The following TERF2 variants were observed in gnomAD, a reference collection of about 807,000 sequenced individuals.
TERF2 encodes telomeric repeat-binding factor 2.
TERF2 carries 16 observed loss-of-function variants against 56.1 expected under a neutral mutation model. The ratio of observed to expected loss-of-function variants is 0.29; its 90% CI spans 0.19 to 0.43. The LOEUF (loss-of-function observed/expected upper bound fraction) is 0.43, where lower values mean the gene tolerates loss of function less well. TERF2 is among the 20% of genes least tolerant of loss of function. The pLI is 1.00. For synonymous variants in TERF2, 296 were observed against 282.1 expected (o/e 1.05, Z -0.50); for missense variants, 547 against 712.9 (o/e 0.77, Z 2.65).
At chr16:69,384,842 A>G (rs2014130988) in intron 2 of TERF2, 132 bp from the exon 3 acceptor site, 1 of 890,164 alleles carries the variant, frequency 1.1e-6, no homozygotes, top group Admixed American at 3.7e-5. Context: ...ATTTTTTGAC[A>G]TATTTGCTAC....
intron 7 of TERF2, among the ~76,000 whole-genome samples, chr16:69,364,766 G>C (rs777135205): frequency 6.6e-6 from 1 of 152,118 alleles, no homozygotes; most frequent in African/African-American, 2.4e-5. Context: ...CTAAAACCTT[G>C]CTGAATAGGC....
In TERF2 at chr16:69,385,918, A is replaced by C; in HGVS notation, c.54T>G (p.Arg18=). ...AGPASGPGVV[R]DPAASQPRKR... is the part of the protein sequence containing the mutation. ...TCCTCGGCTGTGACGCCGCTGGGTC[A>C]CGCACGACGCCCGGGCCGGAAGCGG... Residue 18 remains arginine (R), a synonymous_variant, in exon 1 of 10, where the codon CGT becomes CGG. Transcript: ENST00000254942. 1 of 1,387,454 alleles carries C rather than the reference A, an allele frequency of 7.2e-7. No homozygotes were observed. Among genetic ancestry groups the C allele is most frequent in the Non-Finnish European group, 9.3e-7 (1 of 1,069,634 alleles). The allele number at this position is 1,387,454 out of a possible 1,614,324, so 85.9% of individuals were successfully genotyped here. A position where few individuals can be genotyped will look rare whatever the true frequency, so the allele number is the denominator to read the frequency against.
intron 3 of TERF2, among the ~76,000 whole-genome samples, chr16:69,374,700 G>C (rs2013708196): frequency 7.5e-6 from 1 of 133,050 alleles, no homozygotes. Flanking sequence ...AGGCGCAGTG[G>C]CTCGCGCCTG....
At chr16:69,370,653 A>C in intron 4 of TERF2, 24 bp from the exon 5 acceptor site, 2 of 1,581,040 alleles carry the variant, frequency 1.3e-6, no homozygotes, top group Non-Finnish European at 1.7e-6. Flanking sequence ...CGATATTTGC[A>C]ACATGAGAAA....
intron 3 of TERF2, among the ~76,000 whole-genome samples, chr16:69,379,315 T>C (rs937364000): frequency 1.3e-5 from 2 of 152,152 alleles, no homozygotes; most frequent in African/African-American, 4.8e-5. Context: ...TCTAACAGAG[T>C]GTATCTGATA....
chr16:69,368,249 A>G, intron 6 of TERF2, 127 bp downstream of exon 6: 1 of 829,268 alleles, frequency 1.2e-6, no homozygotes. Flanking sequence ...AGTGCCTTGT[A>G]TGAGTAACCT....
At chr16:69,384,209 T>C (rs1411140131) in intron 3 of TERF2, among the ~76,000 whole-genome samples, 1 of 152,164 alleles carries the variant, frequency 6.6e-6, no homozygotes, top group African/African-American at 2.4e-5. Flanking sequence ...CAGTACCACA[T>C]TTTCCAAGGC....
At chr16:69,359,627 ATTTTTTTTTTTTTTT>A (rs564611021) in intron 8 of TERF2, among the ~76,000 whole-genome samples, 8 of 72,588 alleles carry the variant, frequency 1.1e-4, no homozygotes, top group African/African-American at 1.9e-4. Context: ...ATCATTCCCA[ATTTTTTTTTTTTTTT>A]TTTTTTTTTT....
intron 5 of TERF2, chr16:69,370,232 TG>T (rs1428778584): frequency 9.8e-5 from 46 of 468,460 alleles, no homozygotes; most frequent in Non-Finnish European, 2.2e-5. Context: ...GGTTTCACCA[TG>T]TTGCTCAGGC....
chr16:69,361,740 C>A (rs1302617275), intron 7 of TERF2, among the ~76,000 whole-genome samples: 3 of 151,900 alleles, frequency 2.0e-5, no homozygotes, highest in Admixed American at 6.6e-5. Flanking sequence ...CATCACCACC[C>A]CTCTAAAGAA....
intron 4 of TERF2, 79 bp from the exon 5 acceptor site, chr16:69,370,708 A>G: frequency 7.1e-7 from 1 of 1,400,394 alleles, no homozygotes; most frequent in Non-Finnish European, 9.7e-7. Flanking sequence ...TGAGACAGAC[A>G]CTATGAGAAC....
chr16:69,384,580 A>G lies in TERF2; in HGVS notation c.606T>C (p.Ala202=), dbSNP rs772561914. 2 of 1,612,086 alleles carry G rather than the reference A, an allele frequency of 1.2e-6. No homozygotes were observed. The highest frequency in any genetic ancestry group is 1.7e-6 in the Non-Finnish European group (2 of 1,179,572). ...AAAAGATATAAAAATAGAGCCTTAC[A>G]GCTTCCTTGACCAGTTTTCTACTGG... ...VESSRKLVKE[A]AVIICIKNKE... The change falls in exon 3 of 10, where the codon GCT becomes GCC. Residue 202 remains alanine (A), a splice_region_variant and synonymous_variant. Transcript: ENST00000254942.
intron 6 of TERF2, among the ~76,000 whole-genome samples, chr16:69,368,045 C>T (rs889386249): frequency 3.9e-5 from 6 of 152,148 alleles, no homozygotes; most frequent in African/African-American, 9.7e-5. Flanking sequence ...TTTTGGGATT[C>T]GACTCACAGA....
chr16:69,374,165 C>T (rs2013681754), intron 3 of TERF2, among the ~76,000 whole-genome samples: 1 of 152,178 alleles, frequency 6.6e-6, no homozygotes, highest in Admixed American at 6.5e-5. Context: ...AAAGTTTTTA[C>T]TTTTTTAATC....
chr16:69,364,915 C>T (rs1165805694), intron 7 of TERF2: 1 of 152,210 alleles, frequency 6.6e-6, no homozygotes, highest in Non-Finnish European at 1.5e-5. Flanking sequence ...ACTCAACAAA[C>T]TACCAATGAA....
intron 8 of TERF2, among the ~76,000 whole-genome samples, chr16:69,358,254 C>T (rs1285069908): frequency 6.6e-6 from 1 of 152,156 alleles, no homozygotes; most frequent in Non-Finnish European, 1.5e-5. Context: ...ACCTCATGAT[C>T]CGCCCATCTC....
intron 6 of TERF2, among the ~76,000 whole-genome samples, chr16:69,368,015 AC>A (rs1244170413): frequency 6.6e-6 from 1 of 152,118 alleles, no homozygotes; most frequent in Non-Finnish European, 1.5e-5. Flanking sequence ...TAAGCTTGTG[AC>A]CCCTGCTTTA....
intron 6 of TERF2, 86 bp from the exon 7 acceptor site, chr16:69,367,285 T>C (rs2013389048): frequency 4.8e-5 from 69 of 1,435,830 alleles, no homozygotes; most frequent in Non-Finnish European, 6.4e-5. Context: ...AGTTTGAAGC[T>C]TCAAATTCCA....
chr16:69,377,965 G>T (rs1386069601), intron 3 of TERF2, among the ~76,000 whole-genome samples: 2 of 151,994 alleles, frequency 1.3e-5, no homozygotes, highest in Non-Finnish European at 2.9e-5. Context: ...CACTGGTTAG[G>T]TCTTCCGGTA....
Sources: gnomAD v4.1 joint callset for allele counts (sites outside exome capture counted in the v4.1 genomes callset) on GRCh38, gnomAD v4.1.1 for gene constraint, MANE v1.5 for transcripts, NCBI Gene and HGNC (gene_info 2026-07-23, HGNC 2026-07-21) for gene names.